CIAO3: variants seen among roughly 807,000 people sequenced by gnomAD.
CIAO3 encodes cytosolic iron-sulfur assembly component 3, also known as LET1 like/JFP15.
Under a neutral mutation model 51.5 loss-of-function variants are expected in CIAO3, and 45 were observed. The observed-to-expected ratio is 0.87, with a 90% CI of 0.69 to 1.12. The LOEUF is 1.12. CIAO3 is among the 50% of genes most tolerant of loss of function. CIAO3 has a pLI of 0.00. For missense variants in CIAO3, 668 were observed against 632.5 expected, an observed-to-expected ratio of 1.06 and a Z score of -0.60; for synonymous variants, 314 against 269.3, an observed-to-expected ratio of 1.17 and a Z score of -1.63.
intron 2 of CIAO3, 109 bp downstream of exon 2, chr16:739,534 T>C (rs1368695033): frequency 3.6e-6 from 4 of 1,104,280 alleles, no homozygotes; most frequent in Non-Finnish European, 5.5e-6. Flanking sequence ...AAAAGACTGG[T>C]GAGACCTGGA....
intron 6 of CIAO3, chr16:733,693 C>A (rs931880136): frequency 3.1e-5 from 15 of 478,170 alleles, no homozygotes; most frequent in Non-Finnish European, 2.7e-5. Flanking sequence ...GGCCTTCCCA[C>A]GGCTCGGGCC....
At position 737,518 on chromosome 16, in the gene CIAO3, C is replaced by T. The variant is rs867122307; in HGVS notation, c.163-189G>A. The T allele has an allele frequency of 1.3e-5, 19 of 1,519,858 alleles. No homozygotes were observed. Among genetic ancestry groups the T allele is most frequent in the Admixed American group, 1.0e-4 (5 of 49,978 alleles). 94.1% of individuals were successfully genotyped at this position (1,519,858 alleles called of 1,614,324 possible). On this transcript the variant is annotated intron_variant, in intron 2 of 10. Coordinates refer to ENST00000251588, the MANE Select transcript of CIAO3 (RefSeq NM_022493.3). The surrounding 1 kb of genome is among the most constrained non-coding windows in gnomAD (Gnocchi z 5.3). ...CGCACGCTCTACAGTTTCATAATGC[C>T]GTCAAGTCTGCTTCTTGGTACCACT...
At position 737,623 on chromosome 16, in the gene CIAO3, G is replaced by GGGCCCTGGACGGGGTGCT; in HGVS notation, c.163-312_163-295dup. ...GCAGCAGCCACCCCACTCACCCATG[G>GGGCCCTGGACGGGGTGCT]GGCCCTGGACGGGGTGCTGGCCCCG... On this transcript the variant is annotated intron_variant, in intron 2 of 10. Transcript: ENST00000251588. The surrounding 1 kb of genome is among the most constrained non-coding windows in gnomAD (Gnocchi z 5.3). 1 of 1,386,694 alleles carries GGGCCCTGGACGGGGTGCT rather than the reference G, an allele frequency of 7.2e-7. No individual in the cohort carries two copies. Among genetic ancestry groups the GGGCCCTGGACGGGGTGCT allele is most frequent in the Non-Finnish European group, 9.5e-7 (1 of 1,052,806 alleles). The allele number at this position is 1,386,694 out of a possible 1,614,324, so 85.9% of individuals were successfully genotyped here.
intron 6 of CIAO3, 36 bp downstream of exon 6, chr16:734,193 C>T (rs2041313949): frequency 1.3e-6 from 2 of 1,589,180 alleles, no homozygotes; most frequent in African/African-American, 1.3e-5. Context: ...CTGGCCGCTC[C>T]CCAGCCTGAG....
chr16:730,692 C>G, intron 10 of CIAO3, 37 bp from the exon 11 acceptor site: 2 of 1,592,888 alleles, frequency 1.3e-6, no homozygotes, highest in East Asian at 2.2e-5. Context: ...TCACAGCCTG[C>G]GCCCCAGCCA....
chr16:740,989 G>C lies in CIAO3; in HGVS notation c.-4C>G, dbSNP rs1164765304. On this transcript the variant is annotated 5_prime_UTR_variant, in exon 1 of 11. Transcript: ENST00000251588. ...CCCCGCTGAAGGGCGACGCCATGACGGCCGCACTGCCGCCGCGCGCAGGTG... is the reference window on the plus strand; with the variant it reads ...CCCCGCTGAAGGGCGACGCCATGACCGCCGCACTGCCGCCGCGCGCAGGTG... 2.7e-6 allele frequency: 4 copies of C among 1,500,342 alleles called. No individual in the cohort carries two copies. The South Asian group carries it at 4.9e-5, about 18-fold the overall frequency. The allele number at this position is 1,500,342 out of a possible 1,614,324, so 92.9% of individuals were successfully genotyped here. A position where few individuals can be genotyped will look rare whatever the true frequency, so the allele number is the denominator to read the frequency against.
chr16:740,445 C>T (rs2041379428), intron 1 of CIAO3: 34 of 310,186 alleles, frequency 1.1e-4, no homozygotes, highest in South Asian at 9.6e-4. Context: ...CCACCGCACC[C>T]GTTTATGCAG....
At position 732,302 on chromosome 16, in the gene CIAO3, G is replaced by A. The variant is rs2041291600; in HGVS notation, c.895C>T (p.Leu299=). ...PDLEPAPLDS[L]CSGASAEEPT... is the part of the protein sequence containing the mutation. The stretch of plus-strand genomic sequence containing the variant: ...GTTCTTGGTGGCAGACATACGTACA[G>A]GCTGTCCAGAGGGGCTGGTTCCAGG... The change falls in exon 8 of 11, where the codon CTG becomes TTG. Residue 299 remains leucine, a splice_region_variant and synonymous_variant. Transcript: ENST00000251588. 1 of 1,610,974 alleles carries A rather than the reference G, an allele frequency of 6.2e-7. No homozygotes were observed. Among genetic ancestry groups the A allele is most frequent in the South Asian group, 1.1e-5 (1 of 90,952 alleles).
chr16:736,704 A>G (rs2041342644), intron 3 of CIAO3, among the ~76,000 whole-genome samples: 1 of 151,786 alleles, frequency 6.6e-6, no homozygotes, highest in African/African-American at 2.4e-5. Flanking sequence ...TCACTCTATC[A>G]CCAGGCTGGT....
intron 7 of CIAO3, chr16:732,627 T>TC (rs1249307770): frequency 3.5e-6 from 2 of 567,724 alleles, no homozygotes; most frequent in Admixed American, 5.6e-5. Flanking sequence ...GTCCATCCTC[T>TC]TAGGCAGTCT....
At chr16:736,091 C>G (rs1010969131) in intron 4 of CIAO3, among the ~76,000 whole-genome samples, 175 bp downstream of exon 4, 1 of 152,158 alleles carries the variant, frequency 6.6e-6, no homozygotes, top group East Asian at 1.9e-4. Flanking sequence ...GAAGGCCCTG[C>G]TCTCAAATGT....
At chr16:740,796 C>T (rs1483397657) in intron 1 of CIAO3, 124 bp downstream of exon 1, 5 of 1,040,142 alleles carry the variant, frequency 4.8e-6, no homozygotes, top group Non-Finnish European at 5.6e-6. Context: ...CCCTGACGGC[C>T]CAGACCGGGC....
chr16:733,534 T>C, intron 6 of CIAO3, 107 bp from the exon 7 acceptor site: 1 of 1,515,972 alleles, frequency 6.6e-7, no homozygotes, highest in East Asian at 2.3e-5. Flanking sequence ...CGAGGGACAG[T>C]GAGCCTCACT....
intron 8 of CIAO3, 47 bp downstream of exon 8, chr16:732,254 C>T: frequency 1.3e-6 from 2 of 1,548,698 alleles, no homozygotes; most frequent in Non-Finnish European, 8.8e-7. Flanking sequence ...TCCTCAGAGG[C>T]AGCGTTAGAA....
At position 737,364 on chromosome 16, in the gene CIAO3, C is replaced by A; in HGVS notation, c.163-35G>T. The A allele has an allele frequency of 6.2e-7, 1 of 1,611,110 alleles. No homozygotes were observed. The highest frequency in any genetic ancestry group is 1.1e-5 in the South Asian group (1 of 91,020). Reference sequence around the variant, plus strand: ...AGAAGAACCCGGTGCACAGGGGCCCCCTCTGCACGAGGACATGGAGACAGA... The same window carrying A: ...AGAAGAACCCGGTGCACAGGGGCCCACTCTGCACGAGGACATGGAGACAGA... On this transcript the variant is annotated intron_variant, in intron 2 of 10. Transcript: ENST00000251588. This position sits in a 1 kb window ranked among gnomAD's most constrained non-coding sequence, Gnocchi z 5.3.
chr16:730,934 C>G lies in CIAO3; in HGVS notation c.1101G>C (p.Ala367=), dbSNP rs143357956. The change falls in exon 10 of 11, where the codon GCG becomes GCC. Residue 367 remains alanine, a synonymous_variant. Coordinates refer to ENST00000251588, the MANE Select transcript of CIAO3 (RefSeq NM_022493.3). Reference sequence around the variant, plus strand: ...GGTTCTGGATGTTGCGGAAGCCGTACGCCATTGCGAAGTGCAGCAGCACCT... The same window carrying G: ...GGTTCTGGATGTTGCGGAAGCCGTAGGCCATTGCGAAGTGCAGCAGCACCT... ...EGQVLLHFAM[A]YGFRNIQNLV... is the part of the protein sequence containing the mutation. 2 of 1,612,982 alleles carry G rather than the reference C, an allele frequency of 1.2e-6. No homozygotes were observed. Among genetic ancestry groups the G allele is most frequent in the East Asian group, 4.5e-5 (2 of 44,886 alleles).
In CIAO3 at chr16:730,527, G is replaced by T; in HGVS notation, c.1321C>A (p.Leu441Met). Residue 441 changes from leucine to methionine, a missense_variant, in exon 11 of 11, where the codon CTG becomes ATG. Physicochemically the swap from Leu to Met is conservative, Grantham distance 15 (BLOSUM62 2). Coordinates refer to ENST00000251588, the MANE Select transcript of CIAO3 (RefSeq NM_022493.3). The part of the protein sequence containing the change: ...APEDAPGVQE[L>M]YTHWLQGTDS... ...GTGCCCTGCAGCCAGTGTGTGTACAGCTCCTGAACCCCAGGCGCGTCCTCG... is the reference window on the plus strand; with the variant it reads ...GTGCCCTGCAGCCAGTGTGTGTACATCTCCTGAACCCCAGGCGCGTCCTCG... 6.2e-7 allele frequency: 1 copy of T among 1,610,824 alleles called. No individual in the cohort carries two copies.
chr16:740,861 C>A, intron 1 of CIAO3, 59 bp downstream of exon 1: 7 of 1,456,336 alleles, frequency 4.8e-6, no homozygotes, highest in Non-Finnish European at 6.5e-6. Flanking sequence ...AGAGCAATTT[C>A]CCTCCGCGCG....
At chr16:738,710 C>A (rs1245812183) in intron 2 of CIAO3, among the ~76,000 whole-genome samples, 1 of 150,752 alleles carries the variant, frequency 6.6e-6, no homozygotes, top group African/African-American at 2.5e-5. Context: ...TGCAGTGGAG[C>A]AATCTTGGTT....
Sources: allele counts gnomAD v4.1 joint callset (sites outside exome capture counted in the v4.1 genomes callset), GRCh38; gene constraint gnomAD v4.1.1; non-coding constraint Gnocchi (gnomAD v3.1); transcripts MANE v1.5; gene names NCBI Gene and HGNC (gene_info 2026-07-23, HGNC 2026-07-21).